The following EIF2AK2 variants were observed in gnomAD, a reference collection of about 807,000 sequenced individuals.
The protein encoded by EIF2AK2 is interferon-induced, double-stranded RNA-activated protein kinase.
Under a neutral mutation model 70.5 loss-of-function variants are expected in EIF2AK2, and 40 were observed. That is an observed-to-expected ratio of 0.57 (90% CI 0.44 to 0.74). The LOEUF is 0.74. Among genes scored for constraint, EIF2AK2 ranks in the 30% least tolerant of loss-of-function variants. The pLI, the probability that EIF2AK2 is intolerant of heterozygous loss-of-function variation, is 0.00. For missense variants in EIF2AK2, 555 were observed against 644.3 expected (o/e 0.86, Z 1.50); for synonymous variants, 198 against 220.9 (o/e 0.90, Z 0.92).
At position 37,139,487 on chromosome 2, in the gene EIF2AK2, A is replaced by G. The variant is rs1675252086; in HGVS notation, c.516+144T>C. ...CTGAGGCCTCATGGCCCCATGGTGCATGGCTCATCGGTACGACACAGAATG... is the reference window on the plus strand; with the variant it reads ...CTGAGGCCTCATGGCCCCATGGTGCGTGGCTCATCGGTACGACACAGAATG... On this transcript the variant is annotated intron_variant, in intron 6 of 16. Transcript: ENST00000233057. The G allele has an allele frequency of 7.5e-6, 9 of 1,203,394 alleles. No individual in the cohort carries two copies. The African/African-American group carries it at 9.3e-5, about 12-fold the overall frequency. 74.5% of individuals were successfully genotyped at this position (1,203,394 alleles called of 1,614,324 possible).
intron 4 of EIF2AK2, among the ~76,000 whole-genome samples, chr2:37,145,815 C>T (rs1675518391): frequency 7.4e-6 from 1 of 134,774 alleles, no homozygotes; most frequent in African/African-American, 2.8e-5. Flanking sequence ...TGCAGTGGCA[C>T]AACCTCAGCT....
intron 4 of EIF2AK2, among the ~76,000 whole-genome samples, chr2:37,142,258 G>C (rs991135241): frequency 2.6e-5 from 4 of 152,018 alleles, no homozygotes; most frequent in African/African-American, 9.7e-5. Context: ...AGCCTCACAA[G>C]CACCTGGAAC....
Position 37,126,381 on chromosome 2 carries a change from T to C in EIF2AK2, c.816A>G (p.Leu272=), listed in dbSNP as rs754421188. 27 of 1,610,256 alleles carry C rather than the reference T, an allele frequency of 1.7e-5. No homozygotes were observed. Among genetic ancestry groups the C allele is most frequent in the Non-Finnish European group, 2.2e-5 (26 of 1,178,934 alleles). The part of the protein sequence containing the change: ...RFGMDFKEIE[L]IGSGGFGQVF... ...CTTGGCCAAATCCACCTGAGCCAAT[T>C]AATTCTATTTCTTTAAAATCCATGC... Residue 272 remains leucine (L), a synonymous_variant, in exon 11 of 17, where the codon TTA becomes TTG. Coordinates refer to ENST00000233057, the MANE Select transcript of EIF2AK2 (RefSeq NM_001135651.3).
chr2:37,149,682 A>G (rs767712230), intron 1 of EIF2AK2, among the ~76,000 whole-genome samples: 19 of 152,188 alleles, frequency 1.2e-4, no homozygotes, highest in Non-Finnish European at 2.2e-4. Context: ...TTTAGGTAGC[A>G]CAGTATAACT....
rs555054813 is a variant in EIF2AK2 at position 37,106,235 on chromosome 2, T to C, written c.*1038A>G. 8 of 152,354 alleles carry C rather than the reference T, an allele frequency of 5.3e-5. 1 individual carries two copies. The South Asian group carries it at 1.4e-3, about 28-fold the overall frequency. 9.4% of individuals were successfully genotyped at this position (152,354 alleles called of 1,614,324 possible). ...TGCATGCTCTGGAACTTTATATAAATGGAATTATTCTGCATATATTTTCTG... is the reference window on the plus strand; with the variant it reads ...TGCATGCTCTGGAACTTTATATAAACGGAATTATTCTGCATATATTTTCTG... On this transcript the variant is annotated 3_prime_UTR_variant, in exon 17 of 17. Coordinates refer to ENST00000233057, the MANE Select transcript of EIF2AK2 (RefSeq NM_001135651.3).
At chr2:37,129,310 A>T (rs555940649) in intron 10 of EIF2AK2, among the ~76,000 whole-genome samples, 1 of 152,270 alleles carries the variant, frequency 6.6e-6, no homozygotes, top group South Asian at 2.1e-4. Flanking sequence ...GCAACCCTGG[A>T]CACTGGGAAA....
intron 3 of EIF2AK2, 93 bp from the exon 4 acceptor site, chr2:37,147,066 T>C (rs1675571312): frequency 2.2e-5 from 26 of 1,208,078 alleles, no homozygotes; most frequent in Non-Finnish European, 2.7e-5. Flanking sequence ...TATGACTACC[T>C]TTGAGGGTTT....
Position 37,114,913 on chromosome 2 carries a change from CAT to C in EIF2AK2, c.1249-56_1249-55del, listed in dbSNP as rs572363125. On this transcript the variant is annotated intron_variant, in intron 13 of 16. Coordinates refer to ENST00000233057, the MANE Select transcript of EIF2AK2 (RefSeq NM_001135651.3). ...GTACCAACTTAACATACTATTACCA[CAT>C]GTCTTAATTATATACAGAAAAGACT... The C allele has an allele frequency of 1.1e-4, 136 of 1,253,520 alleles. No homozygotes were observed. In the South Asian group the frequency reaches 1.3e-3, roughly 12 times the overall value. The allele number at this position is 1,253,520 out of a possible 1,614,324, so 77.6% of individuals were successfully genotyped here.
In EIF2AK2 at chr2:37,103,248, T is replaced by G. The variant is rs1572991497; in HGVS notation, c.*4025A>C. On this transcript the variant is annotated 3_prime_UTR_variant, in exon 17 of 17. Coordinates refer to ENST00000233057, the MANE Select transcript of EIF2AK2 (RefSeq NM_001135651.3). ...TTTGCTCTTGTCACCCAGGCTGGAG[T>G]GCAATGGCGTGATCTCAGCTCACTG... The G allele has an allele frequency of 6.6e-6, 1 of 151,452 alleles. No individual in the cohort carries two copies. The highest frequency in any genetic ancestry group is 1.5e-5 in the Non-Finnish European group (1 of 68,040). 9.4% of individuals were successfully genotyped at this position (151,452 alleles called of 1,614,324 possible).
At chr2:37,120,224 T>A in intron 12 of EIF2AK2, 85 bp from the exon 13 acceptor site, 2 of 952,790 alleles carry the variant, frequency 2.1e-6, no homozygotes, top group Non-Finnish European at 2.7e-6. Context: ...AAGTTTTTCA[T>A]AACTTTTTAA....
At chr2:37,152,307 G>A (rs1418031901) in intron 1 of EIF2AK2, among the ~76,000 whole-genome samples, 3 of 151,846 alleles carry the variant, frequency 2.0e-5, no homozygotes, top group Non-Finnish European at 4.4e-5. Flanking sequence ...TTTGAGACAG[G>A]GCCTCACTCT....
chr2:37,113,688 G>A (rs922177262), intron 14 of EIF2AK2, among the ~76,000 whole-genome samples: 3 of 152,034 alleles, frequency 2.0e-5, no homozygotes, highest in South Asian at 2.1e-4. Context: ...AAGGATATGA[G>A]TAGAGAATTT....
chr2:37,137,653 T>C (rs1300603051), intron 8 of EIF2AK2, among the ~76,000 whole-genome samples: 1 of 152,172 alleles, frequency 6.6e-6, no homozygotes, highest in East Asian at 1.9e-4. Flanking sequence ...TTAATTCTAA[T>C]TTTTAAAAAC....
intron 13 of EIF2AK2, among the ~76,000 whole-genome samples, chr2:37,116,467 T>C (rs1324002633): frequency 6.6e-6 from 1 of 152,196 alleles, no homozygotes; most frequent in East Asian, 1.9e-4. Context: ...GGCTGGACTT[T>C]TAATACAATC....
chr2:37,126,201 C>A, intron 11 of EIF2AK2, 88 bp downstream of exon 11: 6 of 1,428,890 alleles, frequency 4.2e-6, no homozygotes, highest in Non-Finnish European at 5.6e-6. Context: ...TAAATGATAC[C>A]CTAATAAAGA....
intron 9 of EIF2AK2, 64 bp from the exon 10 acceptor site, chr2:37,135,610 G>A (rs1166709677): frequency 7.0e-7 from 1 of 1,418,720 alleles, no homozygotes; most frequent in Non-Finnish European, 9.8e-7. Context: ...CTTATTTAGT[G>A]TTAATGTTAA....
chr2:37,140,860 C>A (rs577703490), intron 5 of EIF2AK2, among the ~76,000 whole-genome samples: 16 of 151,416 alleles, frequency 1.1e-4, no homozygotes, highest in African/African-American at 3.9e-4. Flanking sequence ...AACTATTTGC[C>A]ATGTAGATAT....
intron 13 of EIF2AK2, among the ~76,000 whole-genome samples, chr2:37,117,706 G>A (rs1674394412): frequency 6.6e-6 from 1 of 152,224 alleles, no homozygotes; most frequent in African/African-American, 2.4e-5. Context: ...GGCTTTAGGA[G>A]ACTGAACATT....
intron 9 of EIF2AK2, 46 bp from the exon 10 acceptor site, chr2:37,135,592 A>T: frequency 6.6e-7 from 1 of 1,517,176 alleles, no homozygotes; most frequent in East Asian, 2.3e-5. Flanking sequence ...AATTGAAATC[A>T]AATATAACTT....
Sources: allele counts gnomAD v4.1 joint callset (sites outside exome capture counted in the v4.1 genomes callset), GRCh38; gene constraint gnomAD v4.1.1; transcripts MANE v1.5; gene names NCBI Gene and HGNC (gene_info 2026-07-23, HGNC 2026-07-21).